The following PDS5B variants were observed in gnomAD, a reference collection of about 807,000 sequenced individuals.
PDS5B encodes PDS5 cohesin associated factor B.
PDS5B carries 51 observed loss-of-function variants against 184.1 expected under a neutral mutation model. The observed-to-expected ratio is 0.28, with a 90% CI of 0.22 to 0.35. The LOEUF (loss-of-function observed/expected upper bound fraction) is 0.35. Among genes scored for constraint, PDS5B ranks in the 10% least tolerant of loss-of-function variants. PDS5B has a pLI of 1.00. For synonymous variants in PDS5B, 566 were observed against 569.2 expected (o/e 0.99, Z 0.08); for missense variants, 1,180 against 1,723.3 (o/e 0.68, Z 5.58).
At chr13:32,695,147 CCT>C (rs149950761) in intron 14 of PDS5B, among the ~76,000 whole-genome samples, 1,798 of 151,522 alleles carry the variant, frequency 0.012, 42 homozygotes, top group African/African-American at 0.042. Flanking sequence ...TTATAGTGAC[CCT>C]CTCACTATTT....
At chr13:32,696,112 C>G (rs1414068743) in intron 14 of PDS5B, among the ~76,000 whole-genome samples, 1 of 152,098 alleles carries the variant, frequency 6.6e-6, no homozygotes. Flanking sequence ...CGCTTTAACT[C>G]TCAGTTCCTC....
At chr13:32,740,939 TA>T in intron 21 of PDS5B, 140 bp from the exon 22 acceptor site, 1 of 588,952 alleles carries the variant, frequency 1.7e-6, no homozygotes, top group Non-Finnish European at 3.0e-6. Flanking sequence ...TAAATAGGGT[TA>T]GATGAAGTAC....
intron 1 of PDS5B, among the ~76,000 whole-genome samples, chr13:32,606,583 C>G (rs1414703463): frequency 6.6e-6 from 1 of 152,054 alleles, no homozygotes. Context: ...TTGTGGTGTT[C>G]TCTGTATTTC....
At chr13:32,596,463 G>A (rs1422664214) in intron 1 of PDS5B, among the ~76,000 whole-genome samples, 1 of 152,130 alleles carries the variant, frequency 6.6e-6, no homozygotes, top group Non-Finnish European at 1.5e-5. Context: ...TTATGAATAA[G>A]GCCTATACAG....
At position 32,646,369 on chromosome 13, in the gene PDS5B, G is replaced by GTTTTTTT. The variant is rs58539534; in HGVS notation, c.-19-2368_-19-2362dup. 9.8e-4 allele frequency among the ~76,000 whole-genome samples: 104 copies of GTTTTTTT among 106,060 alleles called. 2 individuals carry two copies. Among genetic ancestry groups the GTTTTTTT allele is most frequent in the African/African-American group, 3.4e-3 (86 of 25,550 alleles). 69.6% of individuals were successfully genotyped at this position (106,060 alleles called of 152,430 possible). ...CAATGATTTATTCTCTCATGGCTGT[G>GTTTTTTT]TTTTTTTTTTTTTTTTTTTTTTTGC... On this transcript the variant is annotated intron_variant, in intron 1 of 34. Coordinates refer to ENST00000315596, the MANE Select transcript of PDS5B (RefSeq NM_015032.4).
rs137891249 is a variant in PDS5B, at chr13:32,641,368, T to C, written c.-19-7386T>C. Among the ~76,000 whole-genome samples, 696 of 152,280 alleles carry C rather than the reference T, an allele frequency of 4.6e-3. 6 individuals carry two copies. The highest frequency in any genetic ancestry group is 0.015 in the African/African-American group (639 of 41,568). The stretch of plus-strand genomic sequence containing the variant: ...CTCTTTTTTCTTTTCACCTTTTTCT[T>C]ATCTCGTAATTTGGTATTCATTCCC... On this transcript the variant is annotated intron_variant, in intron 1 of 34. Transcript: ENST00000315596.
chr13:32,709,786 T>A (rs1378792473), intron 18 of PDS5B, among the ~76,000 whole-genome samples, 160 bp from the exon 19 acceptor site: 1 of 152,166 alleles, frequency 6.6e-6, no homozygotes, highest in Admixed American at 6.5e-5. Flanking sequence ...GTTACATAGT[T>A]GAGTATGTTT....
At chr13:32,754,216 G>T (rs939849566) in intron 25 of PDS5B, among the ~76,000 whole-genome samples, 1 of 152,096 alleles carries the variant, frequency 6.6e-6, no homozygotes, top group Non-Finnish European at 1.5e-5. Flanking sequence ...ACTGCCTGCT[G>T]TATCACATTG....
chr13:32,598,639 A>G (rs1331936167), intron 1 of PDS5B, among the ~76,000 whole-genome samples: 2 of 152,148 alleles, frequency 1.3e-5, no homozygotes, highest in East Asian at 3.9e-4. Flanking sequence ...AATTTCCTTT[A>G]ATGTTGCATA....
In PDS5B at chr13:32,632,445, C is replaced by A. The variant is rs77919190; in HGVS notation, c.-19-16309C>A. Among the ~76,000 whole-genome samples, 356 of 152,100 alleles carry A rather than the reference C, an allele frequency of 2.3e-3. 2 individuals are homozygous for A. Among genetic ancestry groups the A allele is most frequent in the African/African-American group, 8.0e-3 (330 of 41,496 alleles). ...CATTAATCATTAGGAAAATGAAAAT[C>A]AAAAACATAATGAGGTTACACTGCA... is the stretch of plus-strand genomic sequence containing the variant. On this transcript the variant is annotated intron_variant, in intron 1 of 34. Transcript: ENST00000315596.
chr13:32,750,928 A>G (rs1953960885), intron 24 of PDS5B, among the ~76,000 whole-genome samples: 3 of 150,726 alleles, frequency 2.0e-5, no homozygotes, highest in South Asian at 4.2e-4. Flanking sequence ...CAGGTTTGTT[A>G]TCTAGGTAAA....
At chr13:32,607,234 G>C (rs538892783) in intron 1 of PDS5B, among the ~76,000 whole-genome samples, 2 of 152,300 alleles carry the variant, frequency 1.3e-5, no homozygotes, top group African/African-American at 4.8e-5. Flanking sequence ...GTACAGATGG[G>C]TTTTGGTGTG....
chr13:32,665,098 T>C (rs1950749415), intron 6 of PDS5B, among the ~76,000 whole-genome samples: 1 of 152,108 alleles, frequency 6.6e-6, no homozygotes, highest in Non-Finnish European at 1.5e-5. Flanking sequence ...GGCATCCTTA[T>C]GTAGAAGCTG....
chr13:32,727,651 G>A (rs1039455165), intron 19 of PDS5B, among the ~76,000 whole-genome samples: 5 of 152,020 alleles, frequency 3.3e-5, no homozygotes, highest in African/African-American at 1.2e-4. Flanking sequence ...TGCAGATTCT[G>A]ATGAAAAGTG....
chr13:32,649,157 C>G (rs192964727), intron 2 of PDS5B: 186 of 278,756 alleles, frequency 6.7e-4, no homozygotes, highest in African/African-American at 3.9e-3. Context: ...TCCTTATTGT[C>G]TATACAAAGT....
At chr13:32,681,301 TA>T (rs1297973810) in intron 10 of PDS5B, among the ~76,000 whole-genome samples, 2 of 152,156 alleles carry the variant, frequency 1.3e-5, no homozygotes, top group African/African-American at 4.8e-5. Flanking sequence ...ATAAGAGTAA[TA>T]AAGCAATCCT....
chr13:32,631,894 G>A lies in PDS5B; in HGVS notation c.-19-16860G>A, dbSNP rs367981656. On this transcript the variant is annotated intron_variant, in intron 1 of 34. Coordinates refer to ENST00000315596, the MANE Select transcript of PDS5B (RefSeq NM_015032.4). ...TTCCTTAAAAACGGCAGAATCTGAA[G>A]CTTCTCCCCACACCTCCTGAATCAA... Among the ~76,000 whole-genome samples, 70 of 152,314 alleles carry A rather than the reference G, an allele frequency of 4.6e-4. No homozygotes were observed. The East Asian group carries it at 0.012, about 26-fold the overall frequency.
At chr13:32,769,398 A>G (rs2141035171) in intron 31 of PDS5B, among the ~76,000 whole-genome samples, 1 of 152,284 alleles carries the variant, frequency 6.6e-6, no homozygotes, top group South Asian at 2.1e-4. Flanking sequence ...TTAACTTTGT[A>G]TTATAAGTGT....
At chr13:32,730,889 CA>C (rs2140948412) in intron 19 of PDS5B, among the ~76,000 whole-genome samples, 1 of 152,246 alleles carries the variant, frequency 6.6e-6, no homozygotes, top group South Asian at 2.1e-4. Context: ...GTGTTATCTG[CA>C]AACAGTGACT....
Sources: allele counts gnomAD v4.1 joint callset (sites outside exome capture counted in the v4.1 genomes callset), GRCh38; gene constraint gnomAD v4.1.1; transcripts MANE v1.5; gene names NCBI Gene and HGNC (gene_info 2026-07-23, HGNC 2026-07-21).